SPATA6: variants seen among roughly 807,000 people sequenced by gnomAD.
SPATA6 encodes spermatogenesis-associated protein 6.
SPATA6 carries 56 observed loss-of-function variants against 65.3 expected under a neutral mutation model. The observed-to-expected ratio is 0.86, with a 90% confidence interval of 0.69 to 1.07. SPATA6 has a LOEUF of 1.07. Among genes scored for constraint, SPATA6 ranks in the 50% least tolerant of loss-of-function variants. The pLI, the probability that SPATA6 is intolerant of heterozygous loss-of-function variation, is 0.00. For missense variants in SPATA6, 590 were observed against 594.8 expected, an observed-to-expected ratio of 0.99 and a Z score of 0.08; for synonymous variants, 199 against 213.2, an observed-to-expected ratio of 0.93 and a Z score of 0.58.
the SPATA6 span, among the ~76,000 whole-genome samples, chr1:48,274,776 T>C: frequency 0.018 from 2,669 of 152,302 alleles, 74 homozygotes; most frequent in African/African-American, 0.061. Context: ...GGTAGCAGGA[T>C]CCCTCCAGCT....
At position 48,472,134 on chromosome 1, in the gene SPATA6, G is replaced by A; in HGVS notation, c.-126C>T. 3 of 716,094 alleles carry A rather than the reference G, an allele frequency of 4.2e-6. No homozygotes were observed. Among genetic ancestry groups the A allele is most frequent in the African/African-American group, 1.9e-5 (1 of 52,816 alleles). 44.4% of individuals were successfully genotyped at this position (716,094 alleles called of 1,614,324 possible). A position where few individuals can be genotyped will look rare whatever the true frequency, so the allele number is the denominator to read the frequency against. Reference sequence around the variant, plus strand: ...CGGCGGTGGCAGCAGTGGCCCCCAGGCCGGGGCCCGCGGTCCAGCCTGGGT... The same window carrying A: ...CGGCGGTGGCAGCAGTGGCCCCCAGACCGGGGCCCGCGGTCCAGCCTGGGT... On this transcript the variant is annotated 5_prime_UTR_variant, in exon 1 of 13. Coordinates refer to ENST00000371847, the MANE Select transcript of SPATA6 (RefSeq NM_019073.4).
intron 1 of SPATA6, among the ~76,000 whole-genome samples, chr1:48,469,092 T>G (rs1658021889): frequency 6.6e-6 from 1 of 152,160 alleles, no homozygotes; most frequent in South Asian, 2.1e-4. Flanking sequence ...CTCAGTCCCC[T>G]GAGTAGCTGG....
chr1:48,389,645 C>T (rs1367930828), intron 8 of SPATA6, among the ~76,000 whole-genome samples: 1 of 151,998 alleles, frequency 6.6e-6, no homozygotes, highest in African/African-American at 2.4e-5. Flanking sequence ...AGAAAAAAAC[C>T]TGCCAGTCAA....
intron 3 of SPATA6, among the ~76,000 whole-genome samples, chr1:48,420,006 ATGGGCCTG>A (rs1235322259): frequency 6.6e-6 from 1 of 152,128 alleles, no homozygotes; most frequent in African/African-American, 2.4e-5. Context: ...TAGCTTCAGG[ATGGGCCTG>A]GTCACTGGAA....
chr1:48,313,832 A>T (rs138996356), intron 11 of SPATA6, among the ~76,000 whole-genome samples: 12,724 of 152,222 alleles, frequency 0.084, 537 homozygotes, highest in Non-Finnish European at 0.093. Context: ...TAGGCTCAAA[A>T]TAAAGGGATG....
the SPATA6 span, among the ~76,000 whole-genome samples, chr1:48,270,884 A>C: frequency 6.6e-6 from 1 of 152,104 alleles, no homozygotes; most frequent in South Asian, 2.1e-4. Context: ...CATTTCACTG[A>C]GATGATTTTG....
intron 3 of SPATA6, among the ~76,000 whole-genome samples, chr1:48,434,255 G>GAAAAAAAAAAAAA (rs1491260601): frequency 6.0e-5 from 2 of 33,436 alleles, no homozygotes; most frequent in African/African-American, 1.5e-4. Context: ...ATACAGCAGT[G>GAAAAAAAAAAAAA]AAAGAAAAAA....
At chr1:48,335,139 C>CA (rs371735111) in intron 11 of SPATA6, among the ~76,000 whole-genome samples, 1 of 151,580 alleles carries the variant, frequency 6.6e-6, no homozygotes, top group Non-Finnish European at 1.5e-5. Flanking sequence ...GAGATGACAC[C>CA]AAAAAATGGA....
chr1:48,336,453 AAAAG>A (rs1646063017), intron 11 of SPATA6, among the ~76,000 whole-genome samples: 1 of 152,102 alleles, frequency 6.6e-6, no homozygotes, highest in Non-Finnish European at 1.5e-5. Context: ...GCAATCCTAA[AAAAG>A]AAAGAGATCA....
At chr1:48,390,943 C>T (rs1384457453) in intron 8 of SPATA6, among the ~76,000 whole-genome samples, 2 of 152,114 alleles carry the variant, frequency 1.3e-5, no homozygotes, top group Non-Finnish European at 2.9e-5. Context: ...AACTTCTCCA[C>T]ATAATGTAAG....
chr1:48,263,822 T>TTTG, the SPATA6 span, among the ~76,000 whole-genome samples: 15 of 152,084 alleles, frequency 9.9e-5, no homozygotes, highest in South Asian at 2.1e-4. Context: ...GAAGCCAGTT[T>TTTG]TTGTTGTTGT....
At chr1:48,319,117 C>A (rs1645525186) in intron 11 of SPATA6, among the ~76,000 whole-genome samples, 2 of 152,050 alleles carry the variant, frequency 1.3e-5, no homozygotes, top group South Asian at 4.1e-4. Flanking sequence ...AAAATCAACT[C>A]AAAATTGATC....
At chr1:48,413,480 T>C (rs1652468909) in intron 3 of SPATA6, among the ~76,000 whole-genome samples, 1 of 143,026 alleles carries the variant, frequency 7.0e-6, no homozygotes, top group African/African-American at 2.6e-5. Flanking sequence ...TTTTTTTGCA[T>C]TTTAGTAGAA....
chr1:48,343,666 G>A (rs902870402), intron 11 of SPATA6, among the ~76,000 whole-genome samples: 1 of 152,050 alleles, frequency 6.6e-6, no homozygotes, highest in African/African-American at 2.4e-5. Flanking sequence ...CAATTTAAAG[G>A]TACCAATTTA....
intron 9 of SPATA6, among the ~76,000 whole-genome samples, chr1:48,371,280 T>C (rs530370844): frequency 1.4e-3 from 197 of 143,562 alleles, no homozygotes; most frequent in Non-Finnish European, 2.2e-3. Flanking sequence ...TATAGATAGA[T>C]AGATAGATAG....
At chr1:48,276,161 T>C in the SPATA6 span, among the ~76,000 whole-genome samples, 1 of 152,222 alleles carries the variant, frequency 6.6e-6, no homozygotes, top group Non-Finnish European at 1.5e-5. Flanking sequence ...GTATTTGTAT[T>C]TCTGTGAGAT....
At chr1:48,419,955 C>G (rs1054311385) in intron 3 of SPATA6, among the ~76,000 whole-genome samples, 1 of 152,074 alleles carries the variant, frequency 6.6e-6, no homozygotes, top group African/African-American at 2.4e-5. Context: ...GTCTTCATCC[C>G]CCTCCAAAGG....
intron 6 of SPATA6, among the ~76,000 whole-genome samples, chr1:48,402,305 T>C (rs1651239799): frequency 6.6e-6 from 1 of 152,146 alleles, no homozygotes; most frequent in Non-Finnish European, 1.5e-5. Context: ...TACTTTTCTA[T>C]GTGTATGCTA....
intron 11 of SPATA6, among the ~76,000 whole-genome samples, chr1:48,339,888 G>T (rs994699855): frequency 1.3e-5 from 2 of 151,970 alleles, no homozygotes; most frequent in Non-Finnish European, 2.9e-5. Context: ...TATAAGTCAT[G>T]AATTTACAGA....
Sources: gnomAD v4.1 joint callset for allele counts (sites outside exome capture counted in the v4.1 genomes callset) on GRCh38, gnomAD v4.1.1 for gene constraint, MANE v1.5 for transcripts, NCBI Gene and HGNC (gene_info 2026-07-23, HGNC 2026-07-21) for gene names.